ZRANB3: variants seen among roughly 807,000 people sequenced by gnomAD.
ZRANB3 encodes zinc finger RANBP2-type containing 3.
Under a neutral mutation model 133.8 loss-of-function variants are expected in ZRANB3, and 125 were observed. That is an observed-to-expected ratio of 0.93 (90% CI 0.81 to 1.08). The LOEUF is 1.08. Ranked by LOEUF, ZRANB3 falls within the 50% of genes least tolerant of loss-of-function variation. The probability of loss-of-function intolerance (pLI) is 0.00; values close to 1 mark genes in which losing one functional copy is unlikely to be tolerated. For synonymous variants in ZRANB3, 387 were observed against 432.7 expected (o/e 0.89, Z 1.31); for missense variants, 1,229 against 1,275.5 (o/e 0.96, Z 0.56).
chr2:135,204,284 C>CT (rs1244299014), intron 19 of ZRANB3, among the ~76,000 whole-genome samples: 1 of 152,068 alleles, frequency 6.6e-6, no homozygotes, highest in East Asian at 1.9e-4. Context: ...TTGTTAGAAG[C>CT]TACTACAAAT....
Position 135,347,962 on chromosome 2 carries a change from A to G in ZRANB3, c.591+2022T>C, listed in dbSNP as rs143021036. Among the ~76,000 whole-genome samples, 71 of 152,254 alleles carry G rather than the reference A, an allele frequency of 4.7e-4. 1 individual carries two copies. The Middle Eastern group carries it at 0.01, about 22-fold the overall frequency. On this transcript the variant is annotated intron_variant, in intron 5 of 20. Coordinates refer to ENST00000264159, the MANE Select transcript of ZRANB3 (RefSeq NM_032143.4). ...AAATAGAAGGAAGGTCACAATAAAGATAAGAGTGGAAATAGACTGGGTGTG... is the reference window on the plus strand; with the variant it reads ...AAATAGAAGGAAGGTCACAATAAAGGTAAGAGTGGAAATAGACTGGGTGTG...
intron 2 of ZRANB3, among the ~76,000 whole-genome samples, chr2:135,404,447 T>A (rs995789473): frequency 6.6e-6 from 1 of 152,160 alleles, no homozygotes; most frequent in Non-Finnish European, 1.5e-5. Context: ...AATATGGGAC[T>A]ATGTGAAAAG....
chr2:135,505,469 G>C (rs1325477166), intron 1 of ZRANB3, among the ~76,000 whole-genome samples: 2 of 152,128 alleles, frequency 1.3e-5, no homozygotes, highest in African/African-American at 4.8e-5. Context: ...AGCTATTTAG[G>C]AGCCTAAGGC....
rs528508263 is a variant in ZRANB3, at chr2:135,312,743, C to T, written c.966+746G>A. Among the ~76,000 whole-genome samples the T allele has an allele frequency of 1.2e-4, 18 of 152,128 alleles. No homozygotes were observed. The South Asian group carries it at 2.3e-3, about 19-fold the overall frequency. The stretch of plus-strand genomic sequence containing the variant: ...AATAAAGATGAATATAGTTCGGGCA[C>T]GGTGGCTTACACCTGTAATCCCAGC... On this transcript the variant is annotated intron_variant, in intron 8 of 20. Coordinates refer to ENST00000264159, the MANE Select transcript of ZRANB3 (RefSeq NM_032143.4).
intron 3 of ZRANB3, among the ~76,000 whole-genome samples, chr2:135,364,889 A>C (rs1421262738): frequency 1.3e-5 from 2 of 152,128 alleles, no homozygotes; most frequent in African/African-American, 4.8e-5. Context: ...TCTCTACTAA[A>C]AATACAAAAA....
intron 2 of ZRANB3, among the ~76,000 whole-genome samples, chr2:135,475,470 T>C (rs1311871379): frequency 6.6e-6 from 1 of 152,260 alleles, no homozygotes; most frequent in Non-Finnish European, 1.5e-5. Context: ...GGCATCATGT[T>C]GTCATGCTCA....
chr2:135,389,449 G>A (rs542478300), intron 3 of ZRANB3, among the ~76,000 whole-genome samples: 3 of 152,340 alleles, frequency 2.0e-5, no homozygotes, highest in South Asian at 4.1e-4. Flanking sequence ...GCTCACGCCT[G>A]TAATCCCAGG....
chr2:135,509,439 T>C (rs1208090253), intron 1 of ZRANB3, among the ~76,000 whole-genome samples: 2 of 152,286 alleles, frequency 1.3e-5, no homozygotes, highest in East Asian at 3.9e-4. Flanking sequence ...CCACATGAAG[T>C]ATAAGTCAAC....
At chr2:135,505,302 G>A (rs1170564027) in intron 1 of ZRANB3, among the ~76,000 whole-genome samples, 9 of 152,078 alleles carry the variant, frequency 5.9e-5, no homozygotes, top group East Asian at 1.9e-4. Flanking sequence ...CGGGCCAGGC[G>A]CGGTGGCTCA....
intron 3 of ZRANB3, among the ~76,000 whole-genome samples, chr2:135,358,064 G>A (rs1000748949): frequency 3.3e-5 from 5 of 152,118 alleles, no homozygotes; most frequent in African/African-American, 1.2e-4. Flanking sequence ...AGAAGCCAAC[G>A]CAAGATATCT....
At chr2:135,266,171 C>G (rs111819014) in intron 11 of ZRANB3, among the ~76,000 whole-genome samples, 1 of 151,950 alleles carries the variant, frequency 6.6e-6, no homozygotes, top group African/African-American at 2.4e-5. Context: ...ATCCTGCCAC[C>G]GCACTCCTGT....
Position 135,197,898 on chromosome 2 carries a change from G to A in ZRANB3, c.*2444C>T, listed in dbSNP as rs1164240933. ...TGGTCATGAACCCCTGGGCTTAAGT[G>A]ACCCTCCTACCTCAGCCTCCTGTGT... On this transcript the variant is annotated 3_prime_UTR_variant, in exon 21 of 21. Transcript: ENST00000264159. 6.6e-6 allele frequency: 1 copy of A among 152,564 alleles called. No homozygotes were observed. The highest frequency in any genetic ancestry group is 2.4e-5 in the African/African-American group (1 of 41,438). The allele number at this position is 152,564 out of a possible 1,614,324, so 9.5% of individuals were successfully genotyped here.
At chr2:135,428,192 T>C (rs111319600) in intron 2 of ZRANB3, among the ~76,000 whole-genome samples, 119 of 152,212 alleles carry the variant, frequency 7.8e-4, no homozygotes, top group African/African-American at 2.6e-3. Context: ...CCTGTAATCC[T>C]AGCACTTTGC....
rs549570953 is a variant in ZRANB3 at position 135,331,212 on chromosome 2, T to TA, written c.677+14337_677+14338insT. Among the ~76,000 whole-genome samples the TA allele has an allele frequency of 1.0e-3, 155 of 152,328 alleles. 1 individual carries two copies. The highest frequency in any genetic ancestry group is 3.6e-3 in the African/African-American group (150 of 41,580). ...TTATGGGCATTTAGTGCTATAAATT[T>TA]CCCTCTACACACTGCTTTAAATGTG... On this transcript the variant is annotated intron_variant, in intron 6 of 20. Transcript: ENST00000264159.
intron 1 of ZRANB3, chr2:135,511,134 A>G: frequency 1.3e-6 from 1 of 771,840 alleles, no homozygotes; most frequent in Non-Finnish European, 2.4e-6. Flanking sequence ...ATAAGGAGGT[A>G]TCCCAGTAAC....
At chr2:135,520,582 GTT>G (rs1436885798) in intron 1 of ZRANB3, among the ~76,000 whole-genome samples, 1 of 151,052 alleles carries the variant, frequency 6.6e-6, no homozygotes, top group East Asian at 2.0e-4. Flanking sequence ...CTGGCTAATT[GTT>G]TTTTTGTTTG....
intron 2 of ZRANB3, among the ~76,000 whole-genome samples, chr2:135,395,232 G>A (rs57755312): frequency 0.27 from 40,631 of 151,846 alleles, 9,118 homozygotes; most frequent in African/African-American, 0.6. Flanking sequence ...AAAGCTGTCA[G>A]AAACATACAC....
chr2:135,226,025 GTGGCC>G (rs1324359010), intron 14 of ZRANB3, among the ~76,000 whole-genome samples: 2 of 152,212 alleles, frequency 1.3e-5, no homozygotes, highest in African/African-American at 4.8e-5. Context: ...AGAGGATGAT[GTGGCC>G]TGGCCTGGGC....
chr2:135,212,152 T>C (rs1573679085), intron 17 of ZRANB3, among the ~76,000 whole-genome samples: 1 of 152,238 alleles, frequency 6.6e-6, no homozygotes, highest in Non-Finnish European at 1.5e-5. Flanking sequence ...CATGTCTTTC[T>C]TAGAGCAAAA....
Sources: allele counts gnomAD v4.1 joint callset (sites outside exome capture counted in the v4.1 genomes callset), GRCh38; gene constraint gnomAD v4.1.1; transcripts MANE v1.5; gene names NCBI Gene and HGNC (gene_info 2026-07-23, HGNC 2026-07-21).